The following LANCL1 variants were observed in gnomAD, a reference collection of about 807,000 sequenced individuals.
LANCL1 encodes glutathione S-transferase LANCL1.
Under a neutral mutation model 50.6 loss-of-function variants are expected in LANCL1, and 50 were observed. The ratio of observed to expected loss-of-function variants is 0.99; its 90% confidence interval spans 0.79 to 1.25. The LOEUF is 1.25. Ranked by LOEUF, LANCL1 falls within the 50% of genes most tolerant of loss-of-function variation. The pLI is 0.00. For missense variants in LANCL1, 532 were observed against 480.7 expected, an observed-to-expected ratio of 1.11 and a Z score of -1.00; for synonymous variants, 188 against 178.6, an observed-to-expected ratio of 1.05 and a Z score of -0.42.
chr2:210,469,158 A>C (rs1340100069), intron 3 of LANCL1: 2 of 152,224 alleles, frequency 1.3e-5, no homozygotes, highest in Non-Finnish European at 2.9e-5. Flanking sequence ...ACATATAATT[A>C]TGTAAACATT....
rs1283955512 is a variant in LANCL1, at chr2:210,437,691, T to G, written c.872A>C (p.Lys291Thr). Residue 291 changes from lysine (K) to threonine (T), a missense_variant and splice_region_variant, in exon 7 of 10, where the codon AAG (lysine) becomes ACG (threonine). By Grantham distance (78) the Lys-to-Thr change is moderately conservative. Coordinates refer to ENST00000450366, the MANE Select transcript of LANCL1 (RefSeq NM_006055.3). ...TTATTTCAAAAATACACACAGTACCTTATAGGCCTGGATGAGCATGTAGAT... is the reference window on the plus strand; with the variant it reads ...TTATTTCAAAAATACACACAGTACCGTATAGGCCTGGATGAGCATGTAGAT... ...GVIYMLIQAYKVFREEKYLCD... is the reference protein window; with the variant it reads ...GVIYMLIQAYTVFREEKYLCD... 1 of 1,579,932 alleles carries G rather than the reference T, an allele frequency of 6.3e-7. No individual in the cohort carries two copies. The highest frequency in any genetic ancestry group is 1.4e-5 in the African/African-American group (1 of 73,510).
chr2:210,432,697 A>C lies in LANCL1; in HGVS notation c.*1790T>G, dbSNP rs1239358521. On this transcript the variant is annotated 3_prime_UTR_variant, in exon 10 of 10. Transcript: ENST00000450366. The stretch of plus-strand genomic sequence containing the variant: ...AAACCAAATGAGCTTTATTCTTTCA[A>C]GCTGAACACCCCAGGCAAAGGCAAA... 6.6e-6 allele frequency: 1 copy of C among 152,222 alleles called. No homozygotes were observed. The highest frequency in any genetic ancestry group is 2.4e-5 in the African/African-American group (1 of 41,454). The allele number at this position is 152,222 out of a possible 1,614,324, so 9.4% of individuals were successfully genotyped here.
At chr2:210,457,220 C>T (rs951699372) in intron 3 of LANCL1, among the ~76,000 whole-genome samples, 4 of 152,116 alleles carry the variant, frequency 2.6e-5, no homozygotes, top group African/African-American at 9.7e-5. Context: ...GAAAAAGTTT[C>T]CTGCACATGC....
chr2:210,463,841 G>C (rs1693954848), intron 3 of LANCL1, among the ~76,000 whole-genome samples: 1 of 152,060 alleles, frequency 6.6e-6, no homozygotes, highest in Non-Finnish European at 1.5e-5. Context: ...TTTTACCTCT[G>C]CTGTGAATAA....
At chr2:210,458,854 G>T (rs1693748233) in intron 3 of LANCL1, among the ~76,000 whole-genome samples, 1 of 152,066 alleles carries the variant, frequency 6.6e-6, no homozygotes, top group South Asian at 2.1e-4. Flanking sequence ...TAACATAACA[G>T]CCAAAATTGT....
At chr2:210,452,712 G>A (rs747380816) in intron 4 of LANCL1, among the ~76,000 whole-genome samples, 2 of 152,100 alleles carry the variant, frequency 1.3e-5, no homozygotes, top group Non-Finnish European at 2.9e-5. Context: ...TTCAATTTCT[G>A]TAAGGATTAG....
intron 3 of LANCL1, among the ~76,000 whole-genome samples, chr2:210,458,033 G>A (rs369853080): frequency 1.4e-3 from 206 of 152,220 alleles, no homozygotes; most frequent in South Asian, 6.2e-3. Context: ...AGGCACTGGC[G>A]ATTTATTTCC....
At chr2:210,477,523 C>T, upstream of LANCL1, 1 of 1,302,968 alleles carries the variant, frequency 7.7e-7, no homozygotes, top group Non-Finnish European at 9.7e-7. Context: ...TCACTCTCTC[C>T]TTTTCCTTCT....
chr2:210,446,249 G>C (rs543782174), intron 4 of LANCL1, among the ~76,000 whole-genome samples: 1 of 152,056 alleles, frequency 6.6e-6, no homozygotes, highest in South Asian at 2.1e-4. Context: ...CTGGGACAAA[G>C]CTTCCAAAGG....
chr2:210,462,851 G>C lies in LANCL1; in HGVS notation c.200-7537C>G, dbSNP rs532843719. 5.9e-5 allele frequency among the ~76,000 whole-genome samples: 9 copies of C among 152,206 alleles called. No homozygotes were observed. The East Asian group carries it at 1.7e-3, about 29-fold the overall frequency. Reference sequence around the variant, plus strand: ...TTCATACTTTATCAGGGCTTACTCTGACTCTTATTTCTTTTAATAAAACAC... The same window carrying C: ...TTCATACTTTATCAGGGCTTACTCTCACTCTTATTTCTTTTAATAAAACAC... On this transcript the variant is annotated intron_variant, in intron 3 of 9. Coordinates refer to ENST00000450366, the MANE Select transcript of LANCL1 (RefSeq NM_006055.3).
At chr2:210,476,176 T>G in intron 2 of LANCL1, 140 bp downstream of exon 2, 2 of 573,334 alleles carry the variant, frequency 3.5e-6, no homozygotes, top group South Asian at 2.5e-5. Flanking sequence ...TTAACATGTA[T>G]TTTTAAATAA....
At position 210,437,696 on chromosome 2, in the gene LANCL1, G is replaced by A. The variant is rs1445603524; in HGVS notation, c.867C>T (p.Ala289=). The stretch of plus-strand genomic sequence containing the variant: ...TCAAAAATACACACAGTACCTTATA[G>A]GCCTGGATGAGCATGTAGATTACCC... The part of the protein sequence containing the change: ...APGVIYMLIQ[A]YKVFREEKYL... The change falls in exon 7 of 10, where the codon GCC becomes GCT. Residue 289 remains alanine (A), a synonymous_variant. Coordinates refer to ENST00000450366, the MANE Select transcript of LANCL1 (RefSeq NM_006055.3). The A allele has an allele frequency of 6.3e-7, 1 of 1,585,474 alleles. No homozygotes were observed. Among genetic ancestry groups the A allele is most frequent in the Admixed American group, 1.8e-5 (1 of 54,152 alleles).
At chr2:210,467,113 G>A (rs906688148) in intron 3 of LANCL1, among the ~76,000 whole-genome samples, 2 of 152,190 alleles carry the variant, frequency 1.3e-5, no homozygotes, top group Non-Finnish European at 2.9e-5. Flanking sequence ...AGCAGCACCA[G>A]AAAATGAACT....
chr2:210,475,051 A>T (rs186896428), intron 2 of LANCL1, among the ~76,000 whole-genome samples: 1 of 152,152 alleles, frequency 6.6e-6, no homozygotes, highest in Non-Finnish European at 1.5e-5. Context: ...ATTGACTCAA[A>T]CTCCATATAC....
rs1693682548 is a variant in LANCL1 at position 210,456,650 on chromosome 2, G to A, written c.200-1336C>T. On this transcript the variant is annotated intron_variant, in intron 3 of 9. Coordinates refer to ENST00000450366, the MANE Select transcript of LANCL1 (RefSeq NM_006055.3). ...TCTTCTAAAATTAGGTCCTTAATAGGCTTCATCTCCATCCATATCACGCAT... is the reference window on the plus strand; with the variant it reads ...TCTTCTAAAATTAGGTCCTTAATAGACTTCATCTCCATCCATATCACGCAT... Among the ~76,000 whole-genome samples, 3 of 151,962 alleles carry A rather than the reference G, an allele frequency of 2.0e-5. No individual in the cohort carries two copies. The South Asian group carries it at 6.2e-4, about 32-fold the overall frequency.
At chr2:210,447,709 G>C (rs1034416438) in intron 4 of LANCL1, among the ~76,000 whole-genome samples, 2 of 152,074 alleles carry the variant, frequency 1.3e-5, no homozygotes, top group African/African-American at 4.8e-5. Context: ...TGCAATCCTA[G>C]TCTCTGATAA....
intron 7 of LANCL1, among the ~76,000 whole-genome samples, chr2:210,436,686 T>C (rs1007754085): frequency 6.6e-6 from 1 of 152,232 alleles, no homozygotes; most frequent in Admixed American, 6.5e-5. Context: ...AACTTGCTCT[T>C]ATCATGAGTG....
At chr2:210,437,383 T>C (rs1167121501) in intron 7 of LANCL1, among the ~76,000 whole-genome samples, 1 of 152,224 alleles carries the variant, frequency 6.6e-6, no homozygotes, top group African/African-American at 2.4e-5. Flanking sequence ...CAATTATAAA[T>C]AATGCCGTTA....
intron 6 of LANCL1, 105 bp from the exon 7 acceptor site, chr2:210,437,977 G>T: frequency 1.4e-6 from 1 of 720,686 alleles, no homozygotes; most frequent in Non-Finnish European, 2.1e-6. Context: ...GAAATGGAAG[G>T]TCATTAAGAG....
Sources: gnomAD v4.1 joint callset for allele counts (sites outside exome capture counted in the v4.1 genomes callset) on GRCh38, gnomAD v4.1.1 for gene constraint, MANE v1.5 for transcripts, NCBI Gene and HGNC (gene_info 2026-07-23, HGNC 2026-07-21) for gene names.